CACNA2D3: variants seen among roughly 807,000 people sequenced by gnomAD.
The protein encoded by CACNA2D3 is calcium voltage-gated channel auxiliary subunit alpha2delta 3.
CACNA2D3 carries 60 observed loss-of-function variants against 160.6 expected under a neutral mutation model. That is an observed-to-expected ratio of 0.37 (90% CI 0.30 to 0.46). CACNA2D3 has a LOEUF of 0.46. Among genes scored for constraint, CACNA2D3 ranks in the 20% least tolerant of loss-of-function variants. The pLI, the probability that CACNA2D3 is intolerant of heterozygous loss-of-function variation, is 1.00. For synonymous variants in CACNA2D3, 558 were observed against 492.9 expected (o/e 1.13, Z -1.75); for missense variants, 1,205 against 1,365.0 (o/e 0.88, Z 1.85).
At chr3:54,994,090 T>C (rs1327423842) in intron 31 of CACNA2D3, among the ~76,000 whole-genome samples, 1 of 152,090 alleles carries the variant, frequency 6.6e-6, no homozygotes, top group East Asian at 1.9e-4. Flanking sequence ...ATGGCTGGCT[T>C]GTGTGGAATT....
At chr3:54,198,554 A>G (rs1198068677) in intron 2 of CACNA2D3, among the ~76,000 whole-genome samples, 1 of 152,240 alleles carries the variant, frequency 6.6e-6, no homozygotes, top group African/African-American at 2.4e-5. Flanking sequence ...ATGTTTGGAC[A>G]ATGAAATTAA....
chr3:54,955,227 C>T (rs1047026296), intron 27 of CACNA2D3, among the ~76,000 whole-genome samples: 6 of 152,038 alleles, frequency 3.9e-5, no homozygotes, highest in East Asian at 1.9e-4. Context: ...CTGGAGGAGA[C>T]GGGCAGACAT....
intron 2 of CACNA2D3, among the ~76,000 whole-genome samples, chr3:54,243,716 C>G (rs1441022793): frequency 6.6e-6 from 1 of 152,198 alleles, no homozygotes; most frequent in Non-Finnish European, 1.5e-5. Context: ...AATTATCTGG[C>G]TCCAGGCTCC....
intron 13 of CACNA2D3, among the ~76,000 whole-genome samples, chr3:54,804,148 T>C (rs1440842867): frequency 6.6e-6 from 1 of 151,540 alleles, no homozygotes; most frequent in Admixed American, 6.6e-5. Flanking sequence ...CTGCATCAAC[T>C]AATGAGCAAA....
In CACNA2D3 at chr3:54,910,753, C is replaced by G. The variant is rs956700382; in HGVS notation, c.2449+10885C>G. Among the ~76,000 whole-genome samples the G allele has an allele frequency of 2.0e-5, 3 of 152,166 alleles. No individual in the cohort carries two copies. In the South Asian group the frequency reaches 6.2e-4, roughly 32 times the overall value. On this transcript the variant is annotated intron_variant, in intron 27 of 37. Transcript: ENST00000474759. ...TCTACTCTTTCCCCAATAGGCCTGTCAAATTCATTAGATGCCAGGCTGAAG... is the reference window on the plus strand; with the variant it reads ...TCTACTCTTTCCCCAATAGGCCTGTGAAATTCATTAGATGCCAGGCTGAAG...
chr3:54,744,303 T>C (rs533193680), intron 11 of CACNA2D3, among the ~76,000 whole-genome samples: 1 of 152,320 alleles, frequency 6.6e-6, no homozygotes, highest in African/African-American at 2.4e-5. Context: ...TTGAGGAATT[T>C]ATAGTGCAAA....
At chr3:54,905,217 T>C (rs1463869980) in intron 27 of CACNA2D3, among the ~76,000 whole-genome samples, 1 of 152,192 alleles carries the variant, frequency 6.6e-6, no homozygotes, top group Admixed American at 6.5e-5. Flanking sequence ...TGGAGAAATT[T>C]GAAAATGTGG....
chr3:54,589,101 A>C (rs1160595686), intron 9 of CACNA2D3, among the ~76,000 whole-genome samples: 2 of 152,086 alleles, frequency 1.3e-5, no homozygotes, highest in East Asian at 3.9e-4. Flanking sequence ...AGAAGGAATC[A>C]ATCTACCCAA....
chr3:54,453,891 T>C (rs901625944), intron 4 of CACNA2D3, among the ~76,000 whole-genome samples: 7 of 152,220 alleles, frequency 4.6e-5, no homozygotes, highest in African/African-American at 7.2e-5. Flanking sequence ...TTGTGTGGTT[T>C]ATGCATAAGT....
At chr3:54,757,658 C>T (rs1375862719) in intron 12 of CACNA2D3, among the ~76,000 whole-genome samples, 6 of 152,136 alleles carry the variant, frequency 3.9e-5, no homozygotes, top group South Asian at 2.1e-4. Flanking sequence ...TTGCTGTTAC[C>T]GTAAAACAGC....
At chr3:55,050,337 G>C (rs1301205265) in intron 35 of CACNA2D3, among the ~76,000 whole-genome samples, 1 of 152,050 alleles carries the variant, frequency 6.6e-6, no homozygotes, top group African/African-American at 2.4e-5. Flanking sequence ...TGTCTGTAAA[G>C]TATTTTATTT....
intron 12 of CACNA2D3, among the ~76,000 whole-genome samples, chr3:54,756,772 T>A (rs1701978555): frequency 6.6e-6 from 1 of 152,090 alleles, no homozygotes. Context: ...TGGAGACAGT[T>A]CTTAGCTAGC....
chr3:54,822,955 A>C (rs1320150452), intron 14 of CACNA2D3, among the ~76,000 whole-genome samples: 2 of 151,454 alleles, frequency 1.3e-5, no homozygotes, highest in Non-Finnish European at 2.9e-5. Flanking sequence ...CCTGGGTTCA[A>C]GCGATTCTCT....
chr3:55,054,868 C>T (rs1265097472), intron 35 of CACNA2D3, among the ~76,000 whole-genome samples: 1 of 151,962 alleles, frequency 6.6e-6, no homozygotes, highest in African/African-American at 2.4e-5. Flanking sequence ...ACCAGTGGAT[C>T]TTCTTGTGCT....
chr3:54,785,030 A>C (rs376213889), intron 13 of CACNA2D3, among the ~76,000 whole-genome samples: 1 of 152,294 alleles, frequency 6.6e-6, no homozygotes, highest in South Asian at 2.1e-4. Context: ...CAAACAGAAC[A>C]AATCTAGCAG....
intron 30 of CACNA2D3, 103 bp from the exon 31 acceptor site, chr3:54,987,580 C>T (rs1174188444): frequency 4.3e-6 from 3 of 690,374 alleles, no homozygotes; most frequent in Non-Finnish European, 7.2e-6. Flanking sequence ...CTGCCTTTTG[C>T]TCCTGTCAGT....
chr3:54,855,756 C>G (rs1042558151), intron 17 of CACNA2D3, among the ~76,000 whole-genome samples: 1 of 152,178 alleles, frequency 6.6e-6, no homozygotes, highest in Non-Finnish European at 1.5e-5. Context: ...AATAAGCTCC[C>G]CCTTCTGCTC....
At chr3:55,033,665 T>C (rs1254171637) in intron 35 of CACNA2D3, among the ~76,000 whole-genome samples, 2 of 128,834 alleles carry the variant, frequency 1.6e-5, no homozygotes, top group Non-Finnish European at 3.2e-5. Context: ...AAAATAGATA[T>C]ATAAAATATA....
chr3:54,221,478 T>C (rs1018836382), intron 2 of CACNA2D3, among the ~76,000 whole-genome samples: 1 of 152,250 alleles, frequency 6.6e-6, no homozygotes, highest in Non-Finnish European at 1.5e-5. Flanking sequence ...ACAAGAACCA[T>C]TTGCGGTTGT....
Sources: allele counts gnomAD v4.1 joint callset (sites outside exome capture counted in the v4.1 genomes callset), GRCh38; gene constraint gnomAD v4.1.1; transcripts MANE v1.5; gene names NCBI Gene and HGNC (gene_info 2026-07-23, HGNC 2026-07-21).